The following PARD3B variants were observed in gnomAD, a reference collection of about 807,000 sequenced individuals.
The protein encoded by PARD3B is partitioning defective 3 homolog B.
In PARD3B, 103 loss-of-function variants were observed where a neutral mutation model predicts 130.2. The ratio of observed to expected loss-of-function variants is 0.79; its 90% confidence interval spans 0.67 to 0.93. The LOEUF is 0.93. PARD3B is among the 40% of genes least tolerant of loss of function. PARD3B has a pLI of 0.00. For missense variants in PARD3B, 1,609 were observed against 1,499.2 expected, an observed-to-expected ratio of 1.07 and a Z score of -1.21; for synonymous variants, 583 against 553.2, an observed-to-expected ratio of 1.05 and a Z score of -0.76.
intron 2 of PARD3B, among the ~76,000 whole-genome samples, chr2:204,936,581 A>G (rs143276606): frequency 1.4e-4 from 21 of 152,330 alleles, no homozygotes; most frequent in Non-Finnish European, 1.6e-4. Context: ...ACTTTTACAG[A>G]TGATGGAGCA....
intron 20 of PARD3B, among the ~76,000 whole-genome samples, chr2:205,498,329 C>A (rs2050021315): frequency 2.0e-5 from 3 of 151,896 alleles, no homozygotes; most frequent in Admixed American, 2.0e-4. Flanking sequence ...TGGTGAAATC[C>A]TGTCTCTACT....
At position 205,229,692 on chromosome 2, in the gene PARD3B, A is replaced by G. The variant is rs2038734033; in HGVS notation, c.2141-16086A>G. ...ACCACCTACATTTGCTTAGGACACT[A>G]GAGCTCCGCAATAAGCAGGTGGTAA... On this transcript the variant is annotated intron_variant, in intron 15 of 22. Coordinates refer to ENST00000406610, the MANE Select transcript of PARD3B (RefSeq NM_001302769.2). This position sits in a 1 kb window ranked among gnomAD's most constrained non-coding sequence, Gnocchi z 5.2. Among the ~76,000 whole-genome samples the G allele has an allele frequency of 6.6e-6, 1 of 152,076 alleles. No individual in the cohort carries two copies. Among genetic ancestry groups the G allele is most frequent in the Admixed American group, 6.5e-5 (1 of 15,276 alleles).
chr2:205,520,187 G>C (rs764742903), intron 21 of PARD3B, among the ~76,000 whole-genome samples: 5 of 152,174 alleles, frequency 3.3e-5, no homozygotes, highest in Non-Finnish European at 5.9e-5. Context: ...CTCTGCTCCA[G>C]AGAGATGCAG....
At chr2:205,371,419 T>C (rs978997995) in intron 18 of PARD3B, among the ~76,000 whole-genome samples, 1 of 152,182 alleles carries the variant, frequency 6.6e-6, no homozygotes, top group Admixed American at 6.5e-5. Context: ...TTTTGAACTA[T>C]GGTCTGTAGA....
intron 1 of PARD3B, among the ~76,000 whole-genome samples, chr2:204,680,120 G>T (rs1029817840): frequency 6.6e-6 from 1 of 151,870 alleles, no homozygotes; most frequent in Non-Finnish European, 1.5e-5. Context: ...GTCTCTAGAA[G>T]TATTTATATA....
chr2:204,634,780 C>T (rs1432544945), intron 1 of PARD3B, among the ~76,000 whole-genome samples: 2 of 151,980 alleles, frequency 1.3e-5, no homozygotes, highest in Non-Finnish European at 2.9e-5. Context: ...TTTTTTTCCC[C>T]TGCGATATTA....
intron 18 of PARD3B, among the ~76,000 whole-genome samples, chr2:205,368,886 G>A (rs981015913): frequency 3.3e-5 from 5 of 151,114 alleles, no homozygotes; most frequent in African/African-American, 7.3e-5. Flanking sequence ...ACCCCATAAC[G>A]TTGAAGAGCT....
rs544015263 is a variant in PARD3B at position 205,078,941 on chromosome 2, C to T, written c.505-25485C>T. ...TCAATGGCCAGCCACGTAAGTGAGCCGTCATGGATGCCCAGACCTGTGGAG... is the reference window on the plus strand; with the variant it reads ...TCAATGGCCAGCCACGTAAGTGAGCTGTCATGGATGCCCAGACCTGTGGAG... On this transcript the variant is annotated intron_variant, in intron 4 of 22. Coordinates refer to ENST00000406610, the MANE Select transcript of PARD3B (RefSeq NM_001302769.2). The surrounding 1 kb of genome is among the most constrained non-coding windows in gnomAD (Gnocchi z 4.0). Among the ~76,000 whole-genome samples the T allele has an allele frequency of 6.6e-4, 100 of 152,308 alleles. No individual in the cohort carries two copies. The highest frequency in any genetic ancestry group is 2.3e-3 in the African/African-American group (95 of 41,568).
chr2:205,479,584 C>A lies in PARD3B; in HGVS notation c.3045-20312C>A, dbSNP rs189947021. On this transcript the variant is annotated intron_variant, in intron 20 of 22. Transcript: ENST00000406610. ...TAGCCTGTGCTTAGGAAAAAATGCA[C>A]CTGAATTCATCTATTTTTCTCCAGC... Among the ~76,000 whole-genome samples the A allele has an allele frequency of 9.4e-4, 143 of 152,310 alleles. 2 individuals carry two copies. Among genetic ancestry groups the A allele is most frequent in the Non-Finnish European group, 3.4e-4 (23 of 68,024 alleles).
intron 3 of PARD3B, among the ~76,000 whole-genome samples, chr2:204,994,158 T>C (rs1319213597): frequency 1.4e-4 from 20 of 142,630 alleles, no homozygotes; most frequent in Admixed American, 4.2e-4. Context: ...TCTAGTTCTT[T>C]TAATTGTGAT....
At chr2:204,667,596 G>T (rs939740801) in intron 1 of PARD3B, among the ~76,000 whole-genome samples, 6 of 152,054 alleles carry the variant, frequency 3.9e-5, no homozygotes, top group Admixed American at 3.3e-4. Context: ...TGTCACTCAT[G>T]CTTTCTTCTT....
intron 3 of PARD3B, among the ~76,000 whole-genome samples, chr2:204,988,194 C>T (rs1342677030): frequency 6.6e-6 from 1 of 152,160 alleles, no homozygotes; most frequent in Non-Finnish European, 1.5e-5. Context: ...ATAAACCAGC[C>T]ATGCTACTAG....
intron 2 of PARD3B, among the ~76,000 whole-genome samples, chr2:204,905,937 G>A (rs940924428): frequency 6.6e-6 from 1 of 152,188 alleles, no homozygotes; most frequent in Non-Finnish European, 1.5e-5. Flanking sequence ...AGAGAAAGGA[G>A]AGTAACACGT....
intron 18 of PARD3B, among the ~76,000 whole-genome samples, chr2:205,340,238 A>C (rs2043471834): frequency 1.3e-5 from 2 of 152,122 alleles, no homozygotes; most frequent in Non-Finnish European, 2.9e-5. Context: ...TAAAGGTATA[A>C]ATGAAATAGA....
At chr2:204,896,434 T>G (rs1480957714) in intron 2 of PARD3B, among the ~76,000 whole-genome samples, 1 of 152,174 alleles carries the variant, frequency 6.6e-6, no homozygotes, top group Non-Finnish European at 1.5e-5. Flanking sequence ...CTGGCTGAGC[T>G]ACCTCTGCCC....
At chr2:204,637,559 T>G (rs2034929763) in intron 1 of PARD3B, among the ~76,000 whole-genome samples, 1 of 152,188 alleles carries the variant, frequency 6.6e-6, no homozygotes, top group African/African-American at 2.4e-5. Flanking sequence ...GGTGAAAATT[T>G]TTGTGTACAC....
chr2:205,353,338 G>A (rs1014974682), intron 18 of PARD3B, among the ~76,000 whole-genome samples: 4 of 152,214 alleles, frequency 2.6e-5, no homozygotes, highest in East Asian at 1.9e-4. Flanking sequence ...CATTAGTACC[G>A]CTCCATGGAA....
intron 3 of PARD3B, among the ~76,000 whole-genome samples, chr2:205,020,732 T>G (rs1696530934): frequency 6.6e-6 from 1 of 152,170 alleles, no homozygotes; most frequent in South Asian, 2.1e-4. Flanking sequence ...TGGCTAATAT[T>G]GACCCAAGCT....
chr2:204,556,541 C>G (rs112129165), intron 1 of PARD3B, among the ~76,000 whole-genome samples: 2,436 of 152,006 alleles, frequency 0.016, 76 homozygotes, highest in African/African-American at 0.056. Context: ...GAATTTTCCA[C>G]GAGAAAAGTG....
Sources: allele counts gnomAD v4.1 joint callset (sites outside exome capture counted in the v4.1 genomes callset), GRCh38; gene constraint gnomAD v4.1.1; non-coding constraint Gnocchi (gnomAD v3.1); transcripts MANE v1.5; gene names NCBI Gene and HGNC (gene_info 2026-07-23, HGNC 2026-07-21).